The following NXPH1 variants were observed in gnomAD, a reference collection of about 807,000 sequenced individuals.
The protein encoded by NXPH1 is neurexophilin 1, also known as neurexophilin-1.
A neutral mutation model predicts 23.7 loss-of-function variants in NXPH1; 5 were observed. The observed-to-expected ratio is 0.21, with a 90% CI of 0.11 to 0.44. The LOEUF (loss-of-function observed/expected upper bound fraction) is 0.44, where lower values mean the gene tolerates loss of function less well. Ranked by LOEUF, NXPH1 falls within the 20% of genes least tolerant of loss-of-function variation. NXPH1 has a pLI of 0.99. For missense variants in NXPH1, 324 were observed against 321.6 expected, an observed-to-expected ratio of 1.01 and a Z score of -0.06; for synonymous variants, 144 against 122.2, an observed-to-expected ratio of 1.18 and a Z score of -1.18.
At chr7:8,642,187 A>C (rs1301940635) in intron 2 of NXPH1, among the ~76,000 whole-genome samples, 1 of 152,204 alleles carries the variant, frequency 6.6e-6, no homozygotes, top group Non-Finnish European at 1.5e-5. Flanking sequence ...GGTACTTTGC[A>C]GGACTGAAAG....
chr7:8,489,185 TGGG>T, intron 2 of NXPH1, among the ~76,000 whole-genome samples: 1 of 152,234 alleles, frequency 6.6e-6, no homozygotes, highest in Non-Finnish European at 1.5e-5. Context: ...CCCCACGTGC[TGGG>T]GAAGATTCGG....
At chr7:8,453,470 G>T (rs189108073) in intron 2 of NXPH1, among the ~76,000 whole-genome samples, 1 of 152,178 alleles carries the variant, frequency 6.6e-6, no homozygotes, top group African/African-American at 2.4e-5. Flanking sequence ...TTGCAGTGGG[G>T]TTGTTTTATA....
intron 2 of NXPH1, among the ~76,000 whole-genome samples, chr7:8,502,410 A>G (rs1252589886): frequency 6.6e-6 from 1 of 152,000 alleles, no homozygotes; most frequent in Non-Finnish European, 1.5e-5. Context: ...AATTTAACAA[A>G]CATTCATAAA....
intron 2 of NXPH1, among the ~76,000 whole-genome samples, chr7:8,468,545 C>A (rs553859179): frequency 3.3e-5 from 5 of 151,952 alleles, no homozygotes; most frequent in Non-Finnish European, 7.4e-5. Flanking sequence ...GATAATATCC[C>A]ATGTCCTGCT....
intron 2 of NXPH1, among the ~76,000 whole-genome samples, chr7:8,589,813 AGTAG>A (rs1306589117): frequency 6.6e-6 from 1 of 152,088 alleles, no homozygotes; most frequent in African/African-American, 2.4e-5. Flanking sequence ...GCCACCATCC[AGTAG>A]ATAGATAGCC....
intron 2 of NXPH1, among the ~76,000 whole-genome samples, chr7:8,601,396 A>G (rs147805186): frequency 1.3e-3 from 203 of 150,744 alleles, no homozygotes; most frequent in East Asian, 0.011. Context: ...CATTAAGGGA[A>G]AAAAATGCAA....
chr7:8,649,854 C>A (rs1042952557), intron 2 of NXPH1, among the ~76,000 whole-genome samples: 6 of 152,144 alleles, frequency 3.9e-5, no homozygotes, highest in Non-Finnish European at 8.8e-5. Context: ...GTTATCTAAT[C>A]TACCATCTTG....
At chr7:8,466,458 A>G (rs993184903) in intron 2 of NXPH1, among the ~76,000 whole-genome samples, 6 of 152,174 alleles carry the variant, frequency 3.9e-5, no homozygotes, top group African/African-American at 1.4e-4. Context: ...TTAATTATGA[A>G]TTTTTATGAA....
chr7:8,622,371 G>A (rs1819895436), intron 2 of NXPH1, among the ~76,000 whole-genome samples: 1 of 152,298 alleles, frequency 6.6e-6, no homozygotes, highest in Non-Finnish European at 1.5e-5. Flanking sequence ...AGTGTGAGCA[G>A]AGCTGTGACT....
At chr7:8,624,638 G>A (rs1354126520) in intron 2 of NXPH1, among the ~76,000 whole-genome samples, 1 of 152,100 alleles carries the variant, frequency 6.6e-6, no homozygotes, top group East Asian at 1.9e-4. Context: ...CTTTTTGAAT[G>A]AATGAATGAA....
intron 2 of NXPH1, among the ~76,000 whole-genome samples, chr7:8,541,549 C>T (rs1818117046): frequency 6.6e-6 from 1 of 151,356 alleles, no homozygotes; most frequent in Non-Finnish European, 1.5e-5. Context: ...TTATCAAAAC[C>T]AGTGATAAAT....
intron 2 of NXPH1, among the ~76,000 whole-genome samples, chr7:8,672,091 C>T (rs1359548499): frequency 6.6e-6 from 1 of 152,034 alleles, no homozygotes; most frequent in Non-Finnish European, 1.5e-5. Flanking sequence ...TGTGTAGAAG[C>T]TCTTTAGTTT....
intron 2 of NXPH1, among the ~76,000 whole-genome samples, chr7:8,520,233 T>C (rs908945575): frequency 3.9e-5 from 6 of 152,198 alleles, no homozygotes; most frequent in African/African-American, 1.4e-4. Flanking sequence ...CTGCCAGTAG[T>C]AGCTAGACAA....
At chr7:8,553,742 G>A (rs1818312508) in intron 2 of NXPH1, among the ~76,000 whole-genome samples, 1 of 151,556 alleles carries the variant, frequency 6.6e-6, no homozygotes, top group African/African-American at 2.4e-5. Context: ...AGGCTAAGAT[G>A]TTCAAACACC....
Position 8,744,358 on chromosome 7 carries a change from A to G in NXPH1, c.55-6650A>G, listed in dbSNP as rs184758576. Among the ~76,000 whole-genome samples, 48 of 152,266 alleles carry G rather than the reference A, an allele frequency of 3.2e-4. 1 individual carries two copies. The highest frequency in any genetic ancestry group is 2.8e-3 in the Admixed American group (43 of 15,286). On this transcript the variant is annotated intron_variant, in intron 2 of 2. Transcript: ENST00000405863. The stretch of plus-strand genomic sequence containing the variant: ...GAAGTATATTTGGTGTTTTCATTAT[A>G]ATATTATAGAAAATATTTATAGAAA...
intron 2 of NXPH1, among the ~76,000 whole-genome samples, chr7:8,744,057 A>T (rs1251045965): frequency 6.6e-6 from 1 of 152,088 alleles, no homozygotes; most frequent in Non-Finnish European, 1.5e-5. Flanking sequence ...CCCCAAACTC[A>T]GTTTCTGTCC....
chr7:8,473,833 C>T (rs1231988450), intron 2 of NXPH1, among the ~76,000 whole-genome samples: 1 of 151,852 alleles, frequency 6.6e-6, no homozygotes, highest in Non-Finnish European at 1.5e-5. Context: ...TTTGACTAGT[C>T]TAGATGAATC....
intron 2 of NXPH1, among the ~76,000 whole-genome samples, chr7:8,748,836 G>T (rs1780516697): frequency 6.6e-6 from 1 of 152,146 alleles, no homozygotes; most frequent in African/African-American, 2.4e-5. Context: ...AAACTTGCAG[G>T]GTTTTTAAGC....
At chr7:8,547,349 T>G (rs1379051712) in intron 2 of NXPH1, among the ~76,000 whole-genome samples, 1 of 151,442 alleles carries the variant, frequency 6.6e-6, no homozygotes, top group Non-Finnish European at 1.5e-5. Flanking sequence ...TCCAGATAAG[T>G]AAGGGGCCCT....
Sources: allele counts gnomAD v4.1 joint callset (sites outside exome capture counted in the v4.1 genomes callset), GRCh38; gene constraint gnomAD v4.1.1; transcripts MANE v1.5; gene names NCBI Gene and HGNC (gene_info 2026-07-23, HGNC 2026-07-21).